Variants in CSMD1 observed in about 807,000 individuals in gnomAD.
CSMD1 encodes CUB and sushi domain-containing protein 1.
CSMD1 carries 213 observed loss-of-function variants against 417.5 expected under a neutral mutation model. The observed-to-expected ratio is 0.51, with a 90% CI of 0.46 to 0.57. The LOEUF is 0.57. CSMD1 is among the 20% of genes least tolerant of loss of function. The pLI, the probability that CSMD1 is intolerant of heterozygous loss-of-function variation, is 0.00. For missense variants in CSMD1, 6,923 were observed against 4,529.7 expected (o/e 1.53, Z -15.17); for synonymous variants, 2,862 against 1,736.8 (o/e 1.65, Z -16.11).
In CSMD1 at chr8:4,880,042, T is replaced by G. The variant is rs114473762; in HGVS notation, c.85+114290A>C. ...TTCTGGCTTTAAAAGTATTTTTGGCTTTAAAAGTAATCTCCTACCTTTCTG... is the reference window on the plus strand; with the variant it reads ...TTCTGGCTTTAAAAGTATTTTTGGCGTTAAAAGTAATCTCCTACCTTTCTG... On this transcript the variant is annotated intron_variant, in intron 1 of 69. Coordinates refer to ENST00000635120, the MANE Select transcript of CSMD1 (RefSeq NM_033225.6). Among the ~76,000 whole-genome samples the G allele has an allele frequency of 1.1e-3, 173 of 152,238 alleles. 1 individual carries two copies. Among genetic ancestry groups the G allele is most frequent in the African/African-American group, 3.8e-3 (159 of 41,506 alleles).
At chr8:4,211,395 T>A (rs1385720064) in intron 3 of CSMD1, among the ~76,000 whole-genome samples, 1 of 152,228 alleles carries the variant, frequency 6.6e-6, no homozygotes, top group Non-Finnish European at 1.5e-5. Flanking sequence ...TTTAAAATTA[T>A]TTTACCTAAA....
At chr8:3,504,454 G>C (rs1389267862) in intron 10 of CSMD1, among the ~76,000 whole-genome samples, 1 of 152,094 alleles carries the variant, frequency 6.6e-6, no homozygotes, top group Admixed American at 6.5e-5. Context: ...CTTCTTCTTG[G>C]CATCCAGCAG....
chr8:3,652,871 ACAGT>A (rs1276011769), intron 7 of CSMD1, among the ~76,000 whole-genome samples: 4 of 152,226 alleles, frequency 2.6e-5, no homozygotes, highest in African/African-American at 7.2e-5. Flanking sequence ...GAGGGTGCAC[ACAGT>A]CAGCACTCAA....
rs112701239 is a variant in CSMD1, at chr8:4,800,646, G to T, written c.86-163088C>A. Among the ~76,000 whole-genome samples the T allele has an allele frequency of 4.5e-3, 692 of 152,298 alleles. 10 individuals carry two copies. The highest frequency in any genetic ancestry group is 0.016 in the African/African-American group (654 of 41,572). ...GACCCATCTTTGGTGCAATCCCCCAGGGGGCTGTGGAGCCTCAGAGTTGTC... is the reference window on the plus strand; with the variant it reads ...GACCCATCTTTGGTGCAATCCCCCATGGGGCTGTGGAGCCTCAGAGTTGTC... On this transcript the variant is annotated intron_variant, in intron 1 of 69. Transcript: ENST00000635120.
intron 3 of CSMD1, among the ~76,000 whole-genome samples, chr8:4,142,686 T>C (rs1803862685): frequency 6.6e-6 from 1 of 151,138 alleles, no homozygotes; most frequent in Admixed American, 6.6e-5. Flanking sequence ...TTGCAGTTAT[T>C]GGGTGGCTGA....
chr8:4,309,082 A>G (rs1329628372), intron 3 of CSMD1, among the ~76,000 whole-genome samples: 1 of 152,082 alleles, frequency 6.6e-6, no homozygotes, highest in Non-Finnish European at 1.5e-5. Context: ...ATGTTAGGTT[A>G]TTTTTGTAGT....
At chr8:3,746,501 A>G (rs192600942) in intron 6 of CSMD1, among the ~76,000 whole-genome samples, 1 of 152,340 alleles carries the variant, frequency 6.6e-6, no homozygotes, top group East Asian at 1.9e-4. Context: ...TCAGAGACAC[A>G]ACTTTAAAAT....
intron 2 of CSMD1, among the ~76,000 whole-genome samples, chr8:4,464,254 T>G (rs904446467): frequency 1.3e-5 from 2 of 152,148 alleles, no homozygotes; most frequent in Non-Finnish European, 2.9e-5. Flanking sequence ...AACATCTTCC[T>G]GCAGTGATTG....
intron 12 of CSMD1, among the ~76,000 whole-genome samples, chr8:3,410,590 C>T (rs148256453): frequency 0.016 from 2,478 of 152,214 alleles, 72 homozygotes; most frequent in African/African-American, 0.055. Flanking sequence ...ACCTTGCCTT[C>T]GCCATGATTG....
At chr8:4,270,286 T>G (rs776990075) in intron 3 of CSMD1, among the ~76,000 whole-genome samples, 12 of 152,148 alleles carry the variant, frequency 7.9e-5, no homozygotes, top group Non-Finnish European at 1.5e-4. Flanking sequence ...TCACTACAGT[T>G]ACCTTCTTCC....
chr8:4,257,191 C>T (rs904162502), intron 3 of CSMD1, among the ~76,000 whole-genome samples: 1 of 36,354 alleles, frequency 2.8e-5, no homozygotes, highest in Non-Finnish European at 5.0e-5. Flanking sequence ...TATGGTACTA[C>T]ATTTTTAAGC....
intron 1 of CSMD1, among the ~76,000 whole-genome samples, chr8:4,985,810 A>G (rs1811149366): frequency 6.6e-6 from 1 of 152,204 alleles, no homozygotes; most frequent in African/African-American, 2.4e-5. Context: ...ACCATAAGAC[A>G]AAAACAAAAT....
At chr8:4,140,124 G>C (rs73178308) in intron 3 of CSMD1, among the ~76,000 whole-genome samples, 44,032 of 150,272 alleles carry the variant, frequency 0.29, 8,258 homozygotes, top group Non-Finnish European at 0.39. Context: ...AGGTGAAGGC[G>C]GGAGGATTCC....
chr8:3,002,324 G>C (rs527265887), intron 52 of CSMD1, among the ~76,000 whole-genome samples: 25 of 152,280 alleles, frequency 1.6e-4, no homozygotes, highest in Non-Finnish European at 3.1e-4. Flanking sequence ...GTGCTCTGTC[G>C]TGCATGGGGG....
intron 26 of CSMD1, among the ~76,000 whole-genome samples, chr8:3,253,841 G>C (rs1316697298): frequency 6.6e-6 from 1 of 152,142 alleles, no homozygotes; most frequent in African/African-American, 2.4e-5. Context: ...TTGCCAGTCT[G>C]TGTCTTTTAG....
intron 2 of CSMD1, among the ~76,000 whole-genome samples, chr8:4,455,718 G>T (rs189700919): frequency 2.6e-5 from 4 of 151,812 alleles, no homozygotes; most frequent in African/African-American, 9.7e-5. Context: ...ATCACCTGAG[G>T]TCAGGAGTTC....
At position 4,324,938 on chromosome 8, in the gene CSMD1, G is replaced by A. The variant is rs140794495; in HGVS notation, c.415+95015C>T. 8.5e-4 allele frequency among the ~76,000 whole-genome samples: 129 copies of A among 152,260 alleles called. 1 individual carries two copies. The highest frequency in any genetic ancestry group is 3.0e-3 in the African/African-American group (126 of 41,554). On this transcript the variant is annotated intron_variant, in intron 3 of 69. Transcript: ENST00000635120. ...TAGGTATGGGGCCTCTTCACGGGAA[G>A]GAGGCAATTGTATTTGGAAAGGATA...
rs912648375 is a variant in CSMD1, at chr8:4,011,443, C to G, written c.611-13333G>C. Among the ~76,000 whole-genome samples, 5 of 152,156 alleles carry G rather than the reference C, an allele frequency of 3.3e-5. 1 individual carries two copies. Among genetic ancestry groups the G allele is most frequent in the Admixed American group, 2.6e-4 (4 of 15,288 alleles). On this transcript the variant is annotated intron_variant, in intron 4 of 69. Transcript: ENST00000635120. ...AAATTCCTTTCACTGCAACACGTCT[C>G]AAAGATGTCCACATTTGCGGTCTTT...
intron 5 of CSMD1, among the ~76,000 whole-genome samples, chr8:3,849,980 T>C (rs1365508027): frequency 2.1e-5 from 3 of 144,750 alleles, no homozygotes; most frequent in Non-Finnish European, 3.0e-5. Flanking sequence ...CATGCTCGGC[T>C]AATTTGTGTA....
Sources: allele counts gnomAD v4.1 joint callset (sites outside exome capture counted in the v4.1 genomes callset), GRCh38; gene constraint gnomAD v4.1.1; transcripts MANE v1.5; gene names NCBI Gene and HGNC (gene_info 2026-07-23, HGNC 2026-07-21).